ANO7: variants seen among roughly 807,000 people sequenced by gnomAD.
ANO7 encodes anoctamin 7, also known as anoctamin-7.
ANO7 carries 114 observed loss-of-function variants against 115.8 expected under a neutral mutation model. That is an observed-to-expected ratio of 0.98 (90% CI 0.85 to 1.15). The LOEUF (loss-of-function observed/expected upper bound fraction) is 1.15, where lower values mean the gene tolerates loss of function less well. ANO7 is among the 50% of genes most tolerant of loss of function. The pLI is 0.00. For synonymous variants in ANO7, 550 were observed against 498.2 expected, an observed-to-expected ratio of 1.10 and a Z score of -1.38; for missense variants, 1,302 against 1,201.2, an observed-to-expected ratio of 1.08 and a Z score of -1.24.
At chr2:241,238,765 C>T in the ANO7 span, 10 of 1,554,850 alleles carry the variant, frequency 6.4e-6, no homozygotes, top group East Asian at 2.3e-5. This position sits in a 1 kb window ranked among gnomAD's most constrained non-coding sequence, Gnocchi z 4.9. Context: ...GGGTATAGCA[C>T]ATTCTAATGT....
chr2:241,230,107 G>T, downstream of ANO7: 2 of 1,588,758 alleles, frequency 1.3e-6, no homozygotes, highest in Non-Finnish European at 1.7e-6. This position sits in a 1 kb window ranked among gnomAD's most constrained non-coding sequence, Gnocchi z 5.0. Context: ...TCAGGCCGGT[G>T]GACGTGCCAG....
the ANO7 span, chr2:241,239,850 G>A: frequency 3.4e-5 from 54 of 1,611,676 alleles, 2 homozygotes; most frequent in East Asian, 8.5e-4. This position sits in a 1 kb window ranked among gnomAD's most constrained non-coding sequence, Gnocchi z 4.6. Flanking sequence ...TGGAAGATAA[G>A]CCACCCCATC....
rs77482050 is a variant in ANO7 at position 241,200,185 on chromosome 2, G to T, written c.514G>T (p.Glu172Ter). ...LLEVVPDVPPEYYSCRFRVNK... is the reference protein window; with the variant it reads ...LLEVVPDVPP ...GGAGGTTGTGCCAGACGTACCCCCC[G>T]AGTACTACTCCTGCCGGTTCAGAGT... The change falls in exon 6 of 25, where the codon GAG becomes TAG. Residue 172 changes from glutamate (E) to a stop codon, truncating the protein, a stop_gained. Coordinates refer to ENST00000674324, the MANE Select transcript of ANO7 (RefSeq NM_001370694.2). LOFTEE classifies it high-confidence loss of function. The T allele has an allele frequency of 6.8e-6, 11 of 1,613,106 alleles. No homozygotes were observed. The highest frequency in any genetic ancestry group is 3.3e-5 in the South Asian group (3 of 91,080).
the ANO7 span, chr2:241,236,284 G>A: frequency 1.2e-5 from 4 of 345,496 alleles, no homozygotes; most frequent in Non-Finnish European, 2.1e-5. Flanking sequence ...CACGCGGGGG[G>A]AGACGTTGCA....
downstream of ANO7, chr2:241,230,240 G>T (rs760986441): frequency 5.6e-6 from 9 of 1,606,794 alleles, no homozygotes; most frequent in Admixed American, 8.4e-5. The surrounding 1 kb of genome is among the most constrained non-coding windows in gnomAD (Gnocchi z 5.0). Context: ...TGGGGTCTGG[G>T]GCTCCGCTCT....
rs1036806793 is a variant in ANO7, at chr2:241,224,647, G to A, written c.*494G>A. ...GCAGGGACATCACCCACATGCCCCA[G>A]CTCTCGGACCCTGCAGCTCTGTGTC... On this transcript the variant is annotated 3_prime_UTR_variant, in exon 25 of 25. Transcript: ENST00000674324. 3.8e-5 allele frequency: 6 copies of A among 159,996 alleles called. No individual in the cohort carries two copies. The highest frequency in any genetic ancestry group is 8.3e-5 in the Non-Finnish European group (6 of 72,656). 9.9% of individuals were successfully genotyped at this position (159,996 alleles called of 1,614,324 possible).
chr2:241,223,097 G>GA, intron 21 of ANO7, 89 bp from the exon 22 acceptor site: 11 of 1,196,342 alleles, frequency 9.2e-6, no homozygotes, highest in Non-Finnish European at 1.3e-5. Context: ...CGAAATGGTG[G>GA]AAAAAGGGGA....
At chr2:241,235,952 A>G in the ANO7 span, among the ~76,000 whole-genome samples, 1 of 151,508 alleles carries the variant, frequency 6.6e-6, no homozygotes, top group African/African-American at 2.4e-5. Context: ...TCGGACCACT[A>G]CTCACCTTCC....
intron 11 of ANO7, 91 bp from the exon 12 acceptor site, chr2:241,209,194 G>A: frequency 7.3e-7 from 1 of 1,372,782 alleles, no homozygotes; most frequent in Non-Finnish European, 9.8e-7. Context: ...TGTGTGGGAT[G>A]CACACTCCCA....
the ANO7 span, chr2:241,236,705 T>A: frequency 6.2e-7 from 1 of 1,614,066 alleles, no homozygotes; most frequent in South Asian, 1.1e-5. Context: ...GGTCACAATC[T>A]TTAGCCTCTC....
Position 241,223,257 on chromosome 2 carries a change from C to A in ANO7, c.2393C>A (p.Ala798Asp), listed in dbSNP as rs773307206. ...TYWNLLAIRL[A>D]FVIVFEHVVF... ...TGGAATCTTCTTGCCATCCGCCTGG[C>A]CTTCGTCATTGTGTTTGAGGTAGCC... is the stretch of plus-strand genomic sequence containing the variant. The change falls in exon 22 of 25, where the codon GCC (alanine) becomes GAC (aspartate). Residue 798 changes from alanine (A) to aspartate (D), a missense_variant. Transcript: ENST00000674324. 3.0e-5 allele frequency: 48 copies of A among 1,614,120 alleles called. No homozygotes were observed. Among genetic ancestry groups the A allele is most frequent in the East Asian group, 6.7e-5 (3 of 44,904 alleles).
chr2:241,225,783 CCTGGGG>C lies in ANO7; in HGVS notation c.*1635_*1640del, dbSNP rs2069150807. ...CGGCAGGGATGCAGGCTCACAGCGCCCTGGGGCTGGACACCACCGGCCGGAGCATGG... is the reference window on the plus strand; with the variant it reads ...CGGCAGGGATGCAGGCTCACAGCGCCCTGGACACCACCGGCCGGAGCATGG... On this transcript the variant is annotated 3_prime_UTR_variant, in exon 25 of 25. Transcript: ENST00000674324. Among the ~76,000 whole-genome samples, 2 of 152,172 alleles carry C rather than the reference CCTGGGG, an allele frequency of 1.3e-5. No individual in the cohort carries two copies. Among genetic ancestry groups the C allele is most frequent in the Non-Finnish European group, 2.9e-5 (2 of 68,022 alleles).
Position 241,217,768 on chromosome 2 carries a change from G to A in ANO7, c.2055G>A (p.Glu685=), listed in dbSNP as rs573412130. ...PLFALLNNWV[E]IRLDARKFVC... ...TCGCCCTGCTCAACAACTGGGTGGA[G>A]ATCCGCTTGGACGCGCGCAAGTTCG... Residue 685 remains glutamate, a synonymous_variant, in exon 20 of 25, where the codon GAG becomes GAA. Transcript: ENST00000674324. The A allele has an allele frequency of 6.2e-7, 1 of 1,609,218 alleles. No homozygotes were observed. The highest frequency in any genetic ancestry group is 8.5e-7 in the Non-Finnish European group (1 of 1,178,466).
chr2:241,230,785 T>C, downstream of ANO7: 3 of 1,614,232 alleles, frequency 1.9e-6, no homozygotes, highest in Non-Finnish European at 2.5e-6. This position sits in a 1 kb window ranked among gnomAD's most constrained non-coding sequence, Gnocchi z 5.0. Context: ...ATTTTGCGAA[T>C]GGCTTTGCCG....
At chr2:241,211,643 T>C (rs4675980) in intron 15 of ANO7, among the ~76,000 whole-genome samples, 58,821 of 152,032 alleles carry the variant, frequency 0.39, 14,492 homozygotes, top group African/African-American at 0.69. Flanking sequence ...TGGTTCTGGA[T>C]GGCCAAGGGT....
At position 241,203,521 on chromosome 2, in the gene ANO7, C is replaced by T; in HGVS notation, c.889+23C>T. 7.0e-7 allele frequency: 1 copy of T among 1,436,174 alleles called. No homozygotes were observed. The allele number at this position is 1,436,174 out of a possible 1,614,324, so 89.0% of individuals were successfully genotyped here. ...TCGGTGAGTCCCCCCCGCTGCCCCC[C>T]AGACCACCTGGGCCCCCCCAGCTTG... is the stretch of plus-strand genomic sequence containing the variant. On this transcript the variant is annotated intron_variant, in intron 9 of 24. Transcript: ENST00000674324. This position sits in a 1 kb window ranked among gnomAD's most constrained non-coding sequence, Gnocchi z 4.8.
In ANO7 at chr2:241,203,418, G is replaced by A; in HGVS notation, c.809G>A (p.Gly270Asp). Reference protein sequence around the residue: ...QVLFQHWARWGKWNKYQPLDH... With the variant: ...QVLFQHWARWDKWNKYQPLDH... ...CTTTTCCAGCACTGGGCGCGCTGGG[G>A]CAAGTGGAACAAGTACCAGCCCCTG... Residue 270 changes from glycine (G) to aspartate (D), a missense_variant, in exon 9 of 25, where the codon GGC becomes GAC. Transcript: ENST00000674324. This position sits in a 1 kb window ranked among gnomAD's most constrained non-coding sequence, Gnocchi z 4.8. The A allele has an allele frequency of 1.3e-6, 2 of 1,596,352 alleles. No individual in the cohort carries two copies. Among genetic ancestry groups the A allele is most frequent in the Non-Finnish European group, 1.7e-6 (2 of 1,172,432 alleles).
chr2:241,198,927 G>T (rs1356836072), intron 4 of ANO7, among the ~76,000 whole-genome samples: 1 of 152,232 alleles, frequency 6.6e-6, no homozygotes, highest in African/African-American at 2.4e-5. Context: ...ACCGATCAAA[G>T]GTGAGGCGAC....
chr2:241,231,106 C>T, the ANO7 span: 13 of 639,326 alleles, frequency 2.0e-5, no homozygotes, highest in African/African-American at 1.7e-4. Context: ...CACTCAGGGC[C>T]GGGCACGGTG....
Sources: gnomAD v4.1 joint callset for allele counts (sites outside exome capture counted in the v4.1 genomes callset) on GRCh38, gnomAD v4.1.1 for gene constraint, Gnocchi (gnomAD v3.1) non-coding constraint, MANE v1.5 for transcripts, NCBI Gene and HGNC (gene_info 2026-07-23, HGNC 2026-07-21) for gene names.